The following TUSC3 variants were observed in gnomAD, a reference collection of about 807,000 sequenced individuals.
The protein encoded by TUSC3 is tumor suppressor candidate 3, also known as dolichyl-diphosphooligosaccharide--protein glycosyltransferase subunit TUSC3.
Under a neutral mutation model 44.8 loss-of-function variants are expected in TUSC3, and 45 were observed. The observed-to-expected ratio is 1.00, with a 90% confidence interval of 0.79 to 1.29. The LOEUF (loss-of-function observed/expected upper bound fraction) is 1.29. Among genes scored for constraint, TUSC3 ranks in the 50% most tolerant of loss-of-function variants. TUSC3 has a pLI of 0.00. For synonymous variants in TUSC3, 212 were observed against 152.9 expected (o/e 1.39, Z -2.85); for missense variants, 519 against 437.9 (o/e 1.19, Z -1.65).
chr8:15,443,185 A>G (rs544975989), intron 1 of TUSC3, among the ~76,000 whole-genome samples: 2 of 150,060 alleles, frequency 1.3e-5, no homozygotes, highest in South Asian at 4.2e-4. Flanking sequence ...TCTTTTTTTT[A>G]GAAGGCATCT....
At chr8:15,799,211 C>G in the TUSC3 span, among the ~76,000 whole-genome samples, 1 of 152,080 alleles carries the variant, frequency 6.6e-6, no homozygotes, top group Middle Eastern at 3.2e-3. Flanking sequence ...AGGCATTGAG[C>G]TGTAAGATGG....
chr8:15,721,089 CAT>C (rs554659112), intron 6 of TUSC3, among the ~76,000 whole-genome samples: 158 of 152,174 alleles, frequency 1.0e-3, no homozygotes, highest in African/African-American at 3.3e-3. Flanking sequence ...TGTTTAAACA[CAT>C]GTTATAGACT....
intron 1 of TUSC3, among the ~76,000 whole-genome samples, chr8:15,480,324 A>G (rs1163637068): frequency 6.6e-6 from 1 of 152,220 alleles, no homozygotes; most frequent in Non-Finnish European, 1.5e-5. Flanking sequence ...ATAATTAGAA[A>G]AACCTACTCT....
At chr8:15,841,485 C>T in the TUSC3 span, among the ~76,000 whole-genome samples, 1 of 151,988 alleles carries the variant, frequency 6.6e-6, no homozygotes, top group African/African-American at 2.4e-5. Context: ...AATTATAATG[C>T]AAAGAATTAA....
intron 2 of TUSC3, among the ~76,000 whole-genome samples, chr8:15,521,620 CA>C (rs1034159872): frequency 6.7e-6 from 1 of 149,766 alleles, no homozygotes; most frequent in Admixed American, 6.6e-5. Context: ...TTACCCCCCC[CA>C]AAAAAAGGTA....
chr8:15,680,993 T>C (rs1363360380), intron 6 of TUSC3, among the ~76,000 whole-genome samples: 1 of 152,114 alleles, frequency 6.6e-6, no homozygotes, highest in African/African-American at 2.4e-5. Context: ...TATAATAATA[T>C]TTTGTTGAGG....
downstream of TUSC3, among the ~76,000 whole-genome samples, chr8:15,768,199 G>C (rs924058712): frequency 3.3e-5 from 5 of 151,640 alleles, no homozygotes; most frequent in African/African-American, 9.7e-5. Context: ...GGAAAGTTCT[G>C]TCAAACTACT....
chr8:15,471,922 G>A (rs1288489212), intron 1 of TUSC3, among the ~76,000 whole-genome samples: 1 of 151,968 alleles, frequency 6.6e-6, no homozygotes, highest in Non-Finnish European at 1.5e-5. Context: ...CTGGCCCCCA[G>A]TTCTAATGAT....
the TUSC3 span, among the ~76,000 whole-genome samples, chr8:15,810,688 A>G: frequency 6.6e-6 from 1 of 152,124 alleles, no homozygotes; most frequent in African/African-American, 2.4e-5. Flanking sequence ...TTATCCCCAA[A>G]TATATTTCTT....
intron 1 of TUSC3, among the ~76,000 whole-genome samples, chr8:15,616,011 T>A (rs925506494): frequency 5.9e-5 from 9 of 152,124 alleles, no homozygotes; most frequent in Admixed American, 1.3e-4. Context: ...TAAAAAAAAA[T>A]TTTGTGGAGT....
chr8:15,660,968 G>A (rs1807396987), intron 4 of TUSC3, among the ~76,000 whole-genome samples: 1 of 147,800 alleles, frequency 6.8e-6, no homozygotes, highest in South Asian at 2.1e-4. Context: ...TTTTAGAAAT[G>A]AAAACAGTAC....
intron 6 of TUSC3, among the ~76,000 whole-genome samples, chr8:15,675,649 T>C (rs60005902): frequency 0.079 from 12,038 of 152,118 alleles, 680 homozygotes; most frequent in East Asian, 0.18. Flanking sequence ...TTTGTGTCCA[T>C]GTTTATCCAA....
chr8:15,476,839 A>T (rs1409224838), intron 1 of TUSC3, among the ~76,000 whole-genome samples: 1 of 152,200 alleles, frequency 6.6e-6, no homozygotes, highest in Non-Finnish European at 1.5e-5. Flanking sequence ...CATCAGTCTG[A>T]TTGTTGGCAG....
chr8:15,656,696 G>A (rs535369024), intron 3 of TUSC3, among the ~76,000 whole-genome samples: 2 of 152,342 alleles, frequency 1.3e-5, no homozygotes, highest in African/African-American at 4.8e-5. Flanking sequence ...TGTTGGCTCT[G>A]TAGTTTGGGA....
chr8:15,838,361 G>A, the TUSC3 span, among the ~76,000 whole-genome samples: 4 of 152,096 alleles, frequency 2.6e-5, no homozygotes, highest in Non-Finnish European at 4.4e-5. Flanking sequence ...AGTTTTAGAA[G>A]GCTTCTATTT....
intron 1 of TUSC3, among the ~76,000 whole-genome samples, chr8:15,458,749 A>G (rs1394278147): frequency 6.6e-6 from 1 of 151,928 alleles, no homozygotes; most frequent in Non-Finnish European, 1.5e-5. Context: ...AATGATGAGT[A>G]ACTGGGGACT....
rs1179443021 is a variant in TUSC3, at chr8:15,765,297, G to C, written c.*1141G>C. 6.6e-6 allele frequency: 1 copy of C among 152,000 alleles called. No individual in the cohort carries two copies. Among genetic ancestry groups the C allele is most frequent in the Non-Finnish European group, 1.5e-5 (1 of 67,932 alleles). 9.4% of individuals were successfully genotyped at this position (152,000 alleles called of 1,614,324 possible). On this transcript the variant is annotated 3_prime_UTR_variant, in exon 11 of 11. Coordinates refer to ENST00000503731, the MANE Select transcript of TUSC3 (RefSeq NM_006765.4). Reference sequence around the variant, plus strand: ...AACATGGATTTTTATATTCTGTGGAGTTATCCAAATTAATTAGGGTTTAGG... The same window carrying C: ...AACATGGATTTTTATATTCTGTGGACTTATCCAAATTAATTAGGGTTTAGG...
chr8:15,749,874 A>G (rs1297014260), intron 9 of TUSC3, among the ~76,000 whole-genome samples: 3 of 145,068 alleles, frequency 2.1e-5, no homozygotes, highest in Admixed American at 7.1e-5. Context: ...TAGGATGCCA[A>G]AAACACTTGA....
At chr8:15,627,581 C>G (rs1047591533) in intron 2 of TUSC3, among the ~76,000 whole-genome samples, 1 of 152,236 alleles carries the variant, frequency 6.6e-6, no homozygotes, top group Admixed American at 6.5e-5. Context: ...TTTGGGGAGC[C>G]CAGACCTGGG....
Sources: gnomAD v4.1 joint callset for allele counts (sites outside exome capture counted in the v4.1 genomes callset) on GRCh38, gnomAD v4.1.1 for gene constraint, MANE v1.5 for transcripts, NCBI Gene and HGNC (gene_info 2026-07-23, HGNC 2026-07-21) for gene names.